ANKFN1: variants seen among roughly 807,000 people sequenced by gnomAD.
ANKFN1 encodes the protein ankyrin repeat and fibronectin type III domain containing 1, also known as ankyrin repeat and fibronectin type-III domain-containing protein 1.
ANKFN1 carries 74 observed loss-of-function variants against 108.7 expected under a neutral mutation model. The observed-to-expected ratio is 0.68, with a 90% CI of 0.56 to 0.83. The LOEUF is 0.83. Among genes scored for constraint, ANKFN1 ranks in the 40% least tolerant of loss-of-function variants. The pLI, the probability that ANKFN1 is intolerant of heterozygous loss-of-function variation, is 0.00. For missense variants in ANKFN1, 1,505 were observed against 1,382.3 expected, an observed-to-expected ratio of 1.09 and a Z score of -1.41; for synonymous variants, 547 against 516.2, an observed-to-expected ratio of 1.06 and a Z score of -0.81.
chr17:56,430,517 C>CACACACACAT (rs893830054), intron 8 of ANKFN1, among the ~76,000 whole-genome samples: 1 of 151,724 alleles, frequency 6.6e-6, no homozygotes, highest in African/African-American at 2.4e-5. Flanking sequence ...CACACACACA[C>CACACACACAT]ACACACACAC....
rs371741992 is a variant in ANKFN1, at chr17:56,179,799, C to A, written c.-71+26269C>A. 1.8e-4 allele frequency among the ~76,000 whole-genome samples: 28 copies of A among 152,270 alleles called. 1 individual carries two copies. The East Asian group carries it at 3.3e-3, about 18-fold the overall frequency. On this transcript the variant is annotated intron_variant, in intron 1 of 20. Coordinates refer to ENST00000682825, the MANE Select transcript of ANKFN1 (RefSeq NM_001370326.1). ...TATTTGTAAGACGCCCAGAACAGAG[C>A]CTGGTGTTTAGTGGACACATACTAA...
Position 56,105,017 on chromosome 17 carries a change from G to T in ANKFN1, c.288+58692G>T, listed in dbSNP as rs560941519. The stretch of plus-strand genomic sequence containing the variant: ...TGTGGGGAAGAGAAATATGGAAATT[G>T]GTCATTTTCATGGAGAATGACAAAT... On this transcript the variant is annotated intron_variant, in intron 4 of 12. Transcript: ENST00000635860. Among the ~76,000 whole-genome samples the T allele has an allele frequency of 3.3e-5, 5 of 152,224 alleles. No homozygotes were observed. The South Asian group carries it at 8.3e-4, about 25-fold the overall frequency.
intron 8 of ANKFN1, among the ~76,000 whole-genome samples, chr17:56,398,692 C>G (rs1275111682): frequency 6.6e-5 from 10 of 152,138 alleles, no homozygotes; most frequent in Non-Finnish European, 1.5e-4. Flanking sequence ...CTGAGACATA[C>G]AACCATGAAT....
chr17:56,153,528 A>G lies in ANKFN1; in HGVS notation c.-73A>G, dbSNP rs1474945726. On this transcript the variant is annotated splice_region_variant and 5_prime_UTR_variant, in exon 1 of 21. Transcript: ENST00000682825. The stretch of plus-strand genomic sequence containing the variant: ...GTCTCTCATGGAGGCGTCTCTAACC[A>G]GGGTAGGAAAACAATAGTTCTAAAT... 1.9e-6 allele frequency: 3 copies of G among 1,613,934 alleles called. No individual in the cohort carries two copies. The highest frequency in any genetic ancestry group is 2.7e-5 in the African/African-American group (2 of 74,916).
chr17:56,162,778 G>A (rs150831742), intron 1 of ANKFN1, among the ~76,000 whole-genome samples: 9 of 152,318 alleles, frequency 5.9e-5, no homozygotes, highest in African/African-American at 2.2e-4. Flanking sequence ...ACTCACGCCT[G>A]TAATCCCAGC....
intron 3 of ANKFN1, among the ~76,000 whole-genome samples, chr17:56,319,392 C>T (rs568955050): frequency 5.9e-5 from 9 of 152,286 alleles, no homozygotes; most frequent in African/African-American, 2.2e-4. Context: ...TTTGAGAATT[C>T]TGCACAACAT....
At chr17:56,484,176 T>C (rs1015469233) in intron 18 of ANKFN1, among the ~76,000 whole-genome samples, 8 of 152,074 alleles carry the variant, frequency 5.3e-5, no homozygotes, top group Admixed American at 4.6e-4. Flanking sequence ...GTGGTCCAGT[T>C]TGGCTAGATC....
chr17:56,291,049 A>G lies in ANKFN1; in HGVS notation c.54-35172A>G, dbSNP rs559605879. Among the ~76,000 whole-genome samples, 10 of 152,312 alleles carry G rather than the reference A, an allele frequency of 6.6e-5. No individual in the cohort carries two copies. In the South Asian group the frequency reaches 1.7e-3, roughly 25 times the overall value. On this transcript the variant is annotated intron_variant, in intron 3 of 20. Transcript: ENST00000682825. ...AAAACCATGTCCCTCAACTCTTAAA[A>G]GTATTATTTCTAGTTTGAAAAGAAG...
At chr17:56,187,858 C>T (rs573353334) in intron 1 of ANKFN1, among the ~76,000 whole-genome samples, 1 of 151,894 alleles carries the variant, frequency 6.6e-6, no homozygotes, top group African/African-American at 2.4e-5. Flanking sequence ...TGCATGTTCT[C>T]ACCCATAGGT....
intron 3 of ANKFN1, among the ~76,000 whole-genome samples, chr17:56,256,579 A>G (rs1021090867): frequency 6.6e-6 from 1 of 152,248 alleles, no homozygotes; most frequent in Non-Finnish European, 1.5e-5. Context: ...CTTTTTCTGA[A>G]TGATAGCTTT....
At chr17:56,206,265 A>T (rs1914526136) in intron 1 of ANKFN1, among the ~76,000 whole-genome samples, 1 of 151,908 alleles carries the variant, frequency 6.6e-6, no homozygotes, top group Non-Finnish European at 1.5e-5. Context: ...TATCTATTCA[A>T]TTTTCTTCTG....
At chr17:56,216,217 A>G (rs768881628) in intron 2 of ANKFN1, among the ~76,000 whole-genome samples, 2 of 152,248 alleles carry the variant, frequency 1.3e-5, no homozygotes, top group Non-Finnish European at 2.9e-5. Flanking sequence ...CTCATTGATC[A>G]GCTTTCATAT....
intron 1 of ANKFN1, among the ~76,000 whole-genome samples, chr17:56,204,485 C>T (rs895912562): frequency 5.9e-5 from 9 of 151,514 alleles, no homozygotes; most frequent in East Asian, 2.0e-4. Flanking sequence ...GGATTACAGG[C>T]GCCCACTACC....
At chr17:56,244,248 A>G (rs1213801174) in intron 3 of ANKFN1, among the ~76,000 whole-genome samples, 1 of 152,140 alleles carries the variant, frequency 6.6e-6, no homozygotes, top group Non-Finnish European at 1.5e-5. Context: ...GGTGAAGTCA[A>G]TAAAAAAAGA....
At chr17:56,396,472 G>T (rs2144905053) in intron 8 of ANKFN1, among the ~76,000 whole-genome samples, 1 of 152,070 alleles carries the variant, frequency 6.6e-6, no homozygotes, top group African/African-American at 2.4e-5. Flanking sequence ...ATCGAACATT[G>T]CAAAGAGCAG....
intron 4 of ANKFN1, among the ~76,000 whole-genome samples, chr17:56,123,983 G>C (rs923736035): frequency 6.6e-6 from 1 of 152,068 alleles, no homozygotes; most frequent in Admixed American, 6.6e-5. Context: ...ATTTGGGCTG[G>C]CAATTAGTCA....
At chr17:56,132,270 A>G (rs1232815461) in intron 4 of ANKFN1, among the ~76,000 whole-genome samples, 1 of 152,174 alleles carries the variant, frequency 6.6e-6, no homozygotes, top group Admixed American at 6.5e-5. Context: ...CATTTGATAA[A>G]TGAAGAAACA....
intron 4 of ANKFN1, among the ~76,000 whole-genome samples, chr17:56,048,297 C>T (rs768440395): frequency 3.9e-5 from 6 of 152,056 alleles, no homozygotes; most frequent in Non-Finnish European, 8.8e-5. Flanking sequence ...GTGCCCAAAG[C>T]ATTTTTACTT....
At chr17:56,139,944 A>T (rs1470793616) in intron 4 of ANKFN1, among the ~76,000 whole-genome samples, 1 of 152,206 alleles carries the variant, frequency 6.6e-6, no homozygotes, top group Non-Finnish European at 1.5e-5. Context: ...TTCAGTCCTT[A>T]ACCTCTGCTC....
Sources: gnomAD v4.1 joint callset for allele counts (sites outside exome capture counted in the v4.1 genomes callset) on GRCh38, gnomAD v4.1.1 for gene constraint, MANE v1.5 for transcripts, NCBI Gene and HGNC (gene_info 2026-07-23, HGNC 2026-07-21) for gene names.